The following ZSWIM6 variants were observed in gnomAD, a reference collection of about 807,000 sequenced individuals.
The protein encoded by ZSWIM6 is zinc finger SWIM domain-containing protein 6.
A neutral mutation model predicts 113.2 loss-of-function variants in ZSWIM6; 9 were observed. The ratio of observed to expected loss-of-function variants is 0.08; its 90% confidence interval spans 0.05 to 0.14. The LOEUF is 0.14. Among genes scored for constraint, ZSWIM6 ranks in the 10% least tolerant of loss-of-function variants. The pLI is 1.00. For synonymous variants in ZSWIM6, 611 were observed against 606.5 expected (o/e 1.01, Z -0.11); for missense variants, 1,162 against 1,552.2 (o/e 0.75, Z 4.22).
chr5:61,500,126 T>TATC (rs369397374), intron 4 of ZSWIM6, among the ~76,000 whole-genome samples: 1 of 145,796 alleles, frequency 6.9e-6, no homozygotes, highest in Non-Finnish European at 1.5e-5. Flanking sequence ...TTATTATTAT[T>TATC]ATCATTATCA....
chr5:61,466,614 G>T (rs1208889606), intron 1 of ZSWIM6, among the ~76,000 whole-genome samples: 1 of 152,170 alleles, frequency 6.6e-6, no homozygotes, highest in Non-Finnish European at 1.5e-5. Flanking sequence ...GTAGTTTTTA[G>T]TGTGCATGTT....
chr5:61,512,739 T>C (rs1748824120), intron 4 of ZSWIM6, among the ~76,000 whole-genome samples: 1 of 152,156 alleles, frequency 6.6e-6, no homozygotes, highest in Admixed American at 6.6e-5. Context: ...ATATTGAGTA[T>C]GTTTTTTGTC....
At chr5:61,377,987 T>C (rs1167419420) in intron 1 of ZSWIM6, among the ~76,000 whole-genome samples, 1 of 152,170 alleles carries the variant, frequency 6.6e-6, no homozygotes, top group African/African-American at 2.4e-5. Flanking sequence ...ACCTATTACA[T>C]TGATGAAAAT....
At chr5:61,486,653 A>G (rs1455735247) in intron 2 of ZSWIM6, among the ~76,000 whole-genome samples, 3 of 151,954 alleles carry the variant, frequency 2.0e-5, no homozygotes, top group African/African-American at 7.3e-5. Context: ...GTATAAGATG[A>G]TATCTCATTG....
intron 1 of ZSWIM6, among the ~76,000 whole-genome samples, chr5:61,405,968 G>A (rs780802632): frequency 3.3e-4 from 50 of 152,302 alleles, no homozygotes; most frequent in Admixed American, 7.8e-4. Flanking sequence ...GTCCTGTGAG[G>A]TCTGGAGCTT....
chr5:61,389,301 A>T (rs1052829053), intron 1 of ZSWIM6, among the ~76,000 whole-genome samples: 4 of 151,606 alleles, frequency 2.6e-5, no homozygotes, highest in Non-Finnish European at 5.9e-5. Context: ...CATGCCTGTA[A>T]TCCTAGCACT....
At chr5:61,498,458 A>G (rs752957237) in intron 4 of ZSWIM6, among the ~76,000 whole-genome samples, 6 of 152,202 alleles carry the variant, frequency 3.9e-5, no homozygotes, top group Non-Finnish European at 8.8e-5. Context: ...GTGAACAGAA[A>G]TAGCCAGAGT....
intron 1 of ZSWIM6, among the ~76,000 whole-genome samples, chr5:61,364,903 G>C (rs749441676): frequency 2.0e-5 from 3 of 152,178 alleles, no homozygotes; most frequent in Non-Finnish European, 1.5e-5. Flanking sequence ...AGCATTTAAT[G>C]TATTGTCAAT....
chr5:61,386,753 TAAGAA>T (rs1480260872), intron 1 of ZSWIM6, among the ~76,000 whole-genome samples: 5 of 152,218 alleles, frequency 3.3e-5, no homozygotes, highest in Admixed American at 2.0e-4. Flanking sequence ...TGTGTGTACT[TAAGAA>T]AAATAACCCA....
intron 1 of ZSWIM6, among the ~76,000 whole-genome samples, chr5:61,412,368 T>A (rs1282469866): frequency 6.6e-6 from 1 of 152,224 alleles, no homozygotes; most frequent in Non-Finnish European, 1.5e-5. Flanking sequence ...TGAAGACTGA[T>A]AGCTCAGGTG....
chr5:61,339,002 C>T (rs369402330), intron 1 of ZSWIM6, among the ~76,000 whole-genome samples: 15 of 151,754 alleles, frequency 9.9e-5, no homozygotes, highest in African/African-American at 3.6e-4. Flanking sequence ...CTTTTTTTTC[C>T]ACAAAAATGG....
chr5:61,344,576 AAAG>A lies in ZSWIM6; in HGVS notation c.676+11633_676+11635del, dbSNP rs1370059342. On this transcript the variant is annotated intron_variant, in intron 1 of 13. Transcript: ENST00000252744. The stretch of plus-strand genomic sequence containing the variant: ...GGAGGAGAAAGGAGTGTGTGGTAGA[AAAG>A]AAGACAAATCAGAAGAGATAAGTAA... 1.8e-4 allele frequency among the ~76,000 whole-genome samples: 27 copies of A among 152,318 alleles called. 1 individual carries two copies. The highest frequency in any genetic ancestry group is 6.3e-4 in the African/African-American group (26 of 41,566).
intron 1 of ZSWIM6, among the ~76,000 whole-genome samples, chr5:61,463,803 G>C (rs1347668905): frequency 1.3e-5 from 2 of 152,150 alleles, no homozygotes; most frequent in Non-Finnish European, 2.9e-5. Context: ...ACAGTGCAGG[G>C]TGGGCATTAC....
At chr5:61,431,243 C>T (rs902156909) in intron 1 of ZSWIM6, among the ~76,000 whole-genome samples, 14 of 151,368 alleles carry the variant, frequency 9.2e-5, no homozygotes, top group African/African-American at 2.7e-4. Context: ...GGTGGTGGTA[C>T]GTGCCTGTAG....
intron 1 of ZSWIM6, among the ~76,000 whole-genome samples, chr5:61,435,176 ATCT>A (rs1746679830): frequency 6.6e-6 from 1 of 152,170 alleles, no homozygotes; most frequent in South Asian, 2.1e-4. Flanking sequence ...ACTACTTAAA[ATCT>A]TACTGTTTTT....
intron 1 of ZSWIM6, among the ~76,000 whole-genome samples, chr5:61,372,774 G>A (rs974885133): frequency 2.0e-5 from 3 of 152,082 alleles, no homozygotes; most frequent in Admixed American, 6.5e-5. Flanking sequence ...TTCTCTATTA[G>A]TTTCCTAGTT....
chr5:61,386,623 A>G (rs778634502), intron 1 of ZSWIM6, among the ~76,000 whole-genome samples: 12 of 152,190 alleles, frequency 7.9e-5, no homozygotes, highest in Non-Finnish European at 1.0e-4. Flanking sequence ...TGGCATTTGT[A>G]CAGGACAAAG....
chr5:61,346,004 G>C (rs1320209887), intron 1 of ZSWIM6, among the ~76,000 whole-genome samples: 1 of 152,160 alleles, frequency 6.6e-6, no homozygotes. Context: ...GAGTGCAGTG[G>C]CGCGATCTCA....
chr5:61,369,863 T>A (rs1047877900), intron 1 of ZSWIM6, among the ~76,000 whole-genome samples: 3 of 152,182 alleles, frequency 2.0e-5, no homozygotes, highest in Non-Finnish European at 4.4e-5. Flanking sequence ...GTTTTTTAGA[T>A]CAAGAGTTAA....
Sources: gnomAD v4.1 joint callset for allele counts (sites outside exome capture counted in the v4.1 genomes callset) on GRCh38, gnomAD v4.1.1 for gene constraint, MANE v1.5 for transcripts, NCBI Gene and HGNC (gene_info 2026-07-23, HGNC 2026-07-21) for gene names.